The following FNDC3A variants were observed in gnomAD, a reference collection of about 807,000 sequenced individuals.
FNDC3A encodes the protein fibronectin type III domain containing 3A.
Under a neutral mutation model 148.9 loss-of-function variants are expected in FNDC3A, and 32 were observed. The ratio of observed to expected loss-of-function variants is 0.21; its 90% CI spans 0.16 to 0.29. FNDC3A has a LOEUF of 0.29. Ranked by LOEUF, FNDC3A falls within the 10% of genes least tolerant of loss-of-function variation. The probability of loss-of-function intolerance (pLI) is 1.00; values close to 1 mark genes in which losing one functional copy is unlikely to be tolerated. For synonymous variants in FNDC3A, 472 were observed against 473.6 expected, an observed-to-expected ratio of 1.00 and a Z score of 0.04; for missense variants, 1,191 against 1,452.8, an observed-to-expected ratio of 0.82 and a Z score of 2.93.
chr13:49,162,433 C>G (rs766000032), intron 8 of FNDC3A, among the ~76,000 whole-genome samples: 1 of 152,084 alleles, frequency 6.6e-6, no homozygotes, highest in Non-Finnish European at 1.5e-5. Flanking sequence ...TCACGTAGTT[C>G]TCGTGCCATG....
At chr13:48,985,139 C>T (rs962215082) in intron 1 of FNDC3A, among the ~76,000 whole-genome samples, 9 of 151,992 alleles carry the variant, frequency 5.9e-5, no homozygotes, top group Middle Eastern at 3.2e-3. Context: ...ATAAAATATT[C>T]GACATGTAAT....
rs1952396638 is a variant in FNDC3A, at chr13:49,013,290, G to A, written c.99+7001G>A. Among the ~76,000 whole-genome samples the A allele has an allele frequency of 2.0e-5, 3 of 152,020 alleles. No homozygotes were observed. The South Asian group carries it at 6.2e-4, about 32-fold the overall frequency. On this transcript the variant is annotated intron_variant, in intron 2 of 25. Coordinates refer to ENST00000492622, the MANE Select transcript of FNDC3A (RefSeq NM_001079673.2). ...TGATTATGCAACTGTGTTCCAGTCT[G>A]GGCAACAGAGTGAGACCCAGTCTCA... is the stretch of plus-strand genomic sequence containing the variant.
At chr13:49,197,682 T>G in intron 20 of FNDC3A, 43 bp from the exon 21 acceptor site, 1 of 1,548,038 alleles carries the variant, frequency 6.5e-7, no homozygotes, top group South Asian at 1.3e-5. Flanking sequence ...AGCTATTTAA[T>G]CAACATCAAG....
At chr13:49,187,757 ATTTTT>A in intron 16 of FNDC3A, 1 of 807,544 alleles carries the variant, frequency 1.2e-6, no homozygotes, top group Admixed American at 2.8e-5. Flanking sequence ...TTTTTCCTGG[ATTTTT>A]TTTTTCTTTG....
In FNDC3A at chr13:49,015,013, A is replaced by AGTTTGAAGTCAGGTAG. The variant is rs1411522260; in HGVS notation, c.99+8725_99+8740dup. ...TTTGGTTACTGTGGCCTTGTAGTAT[A>AGTTTGAAGTCAGGTAG]GTTTGAAGTCAGGTAGCGTGATGCC... On this transcript the variant is annotated intron_variant, in intron 2 of 25. Coordinates refer to ENST00000492622, the MANE Select transcript of FNDC3A (RefSeq NM_001079673.2). Among the ~76,000 whole-genome samples the AGTTTGAAGTCAGGTAG allele has an allele frequency of 2.0e-5, 3 of 151,912 alleles. 1 individual carries two copies. The highest frequency in any genetic ancestry group is 2.0e-4 in the Admixed American group (3 of 15,244).
intron 2 of FNDC3A, among the ~76,000 whole-genome samples, chr13:49,063,263 A>G (rs551741504): frequency 1.3e-4 from 20 of 152,372 alleles, no homozygotes; most frequent in Admixed American, 3.3e-4. Context: ...CATTTTCTAT[A>G]CAAATAAAAC....
At chr13:49,190,617 A>G (rs1885834972) in intron 17 of FNDC3A, among the ~76,000 whole-genome samples, 1 of 152,224 alleles carries the variant, frequency 6.6e-6, no homozygotes, top group Non-Finnish European at 1.5e-5. Flanking sequence ...TACAAACAGC[A>G]TATACAGTAT....
At chr13:49,107,663 C>G (rs1474629946) in intron 3 of FNDC3A, among the ~76,000 whole-genome samples, 2 of 152,058 alleles carry the variant, frequency 1.3e-5, no homozygotes, top group Non-Finnish European at 2.9e-5. Flanking sequence ...AGTTTCATGT[C>G]AAATAATGTG....
chr13:49,057,543 C>G (rs181860672), intron 2 of FNDC3A, among the ~76,000 whole-genome samples: 25 of 152,084 alleles, frequency 1.6e-4, no homozygotes, highest in African/African-American at 6.0e-4. Flanking sequence ...TATCTTATAC[C>G]TTGCATTTTT....
intron 1 of FNDC3A, among the ~76,000 whole-genome samples, chr13:48,981,666 T>C (rs1951696446): frequency 6.6e-6 from 1 of 152,160 alleles, no homozygotes. Flanking sequence ...ACTATACTTC[T>C]GATTGACTTC....
At chr13:49,179,699 T>C (rs192830887) in intron 14 of FNDC3A, among the ~76,000 whole-genome samples, 4 of 152,360 alleles carry the variant, frequency 2.6e-5, no homozygotes, top group Admixed American at 2.0e-4. Context: ...TTGATTATTG[T>C]GAGGCTCAAA....
intron 1 of FNDC3A, among the ~76,000 whole-genome samples, chr13:48,991,683 G>C (rs1026958480): frequency 1.3e-5 from 2 of 150,674 alleles, no homozygotes; most frequent in African/African-American, 2.4e-5. Context: ...GCAAAACCCT[G>C]TCTCAAAAAA....
intron 2 of FNDC3A, among the ~76,000 whole-genome samples, chr13:49,015,681 A>G (rs1226015044): frequency 1.3e-5 from 2 of 152,284 alleles, no homozygotes; most frequent in African/African-American, 4.8e-5. Flanking sequence ...GTCTTGTGCC[A>G]GTTTTCAAAG....
In FNDC3A at chr13:49,099,796, A is replaced by C. The variant is rs141423589; in HGVS notation, c.176-14859A>C. Reference sequence around the variant, plus strand: ...ATATTTGAAGTATTTACACATCTCGATAAGAAACAAAAAATAGAACTGAGA... The same window carrying C: ...ATATTTGAAGTATTTACACATCTCGCTAAGAAACAAAAAATAGAACTGAGA... On this transcript the variant is annotated intron_variant, in intron 3 of 25. Coordinates refer to ENST00000492622, the MANE Select transcript of FNDC3A (RefSeq NM_001079673.2). Among the ~76,000 whole-genome samples, 20 of 152,288 alleles carry C rather than the reference A, an allele frequency of 1.3e-4. No individual in the cohort carries two copies. In the East Asian group the frequency reaches 3.7e-3, roughly 28 times the overall value.
intron 1 of FNDC3A, among the ~76,000 whole-genome samples, chr13:48,991,992 A>T (rs140303484): frequency 1.9e-3 from 289 of 152,356 alleles, no homozygotes; most frequent in African/African-American, 6.7e-3. Context: ...TCGAATACTG[A>T]AAAGTGGAAA....
At chr13:49,178,042 A>G (rs1225377758) in intron 13 of FNDC3A, among the ~76,000 whole-genome samples, 1 of 152,194 alleles carries the variant, frequency 6.6e-6, no homozygotes, top group Non-Finnish European at 1.5e-5. Context: ...TAATTCAAAA[A>G]ATGATAACGT....
At chr13:49,032,020 G>A (rs1874155578) in intron 2 of FNDC3A, among the ~76,000 whole-genome samples, 1 of 152,186 alleles carries the variant, frequency 6.6e-6, no homozygotes, top group African/African-American at 2.4e-5. Context: ...TTATGTACAT[G>A]TACTATAAGC....
chr13:48,984,215 A>G (rs898655159), intron 1 of FNDC3A, among the ~76,000 whole-genome samples: 1 of 152,214 alleles, frequency 6.6e-6, no homozygotes, highest in Admixed American at 6.5e-5. Context: ...GTATTCATGA[A>G]TGTGTCAACT....
intron 1 of FNDC3A, among the ~76,000 whole-genome samples, chr13:48,995,129 G>A (rs182049427): frequency 5.3e-5 from 8 of 152,236 alleles, no homozygotes; most frequent in Non-Finnish European, 8.8e-5. Flanking sequence ...TGCCCAGGCT[G>A]GTCTCAAACT....
Sources: allele counts gnomAD v4.1 joint callset (sites outside exome capture counted in the v4.1 genomes callset), GRCh38; gene constraint gnomAD v4.1.1; transcripts MANE v1.5; gene names NCBI Gene and HGNC (gene_info 2026-07-23, HGNC 2026-07-21).